USH2A: variants seen among roughly 807,000 people sequenced by gnomAD.
USH2A encodes the protein Usher syndrome 2A (autosomal recessive, mild).
Under a neutral mutation model 538.9 loss-of-function variants are expected in USH2A, and 443 were observed. The observed-to-expected ratio is 0.82, with a 90% CI of 0.76 to 0.89. The LOEUF is 0.89. USH2A is among the 40% of genes least tolerant of loss of function. The probability of loss-of-function intolerance (pLI) is 0.00; values close to 1 mark genes in which losing one functional copy is unlikely to be tolerated. For missense variants in USH2A, 6,633 were observed against 6,324.8 expected (o/e 1.05, Z -1.65); for synonymous variants, 2,413 against 2,273.5 (o/e 1.06, Z -1.75).
chr1:215,783,744 TTAAG>T (rs1237407590), intron 52 of USH2A, among the ~76,000 whole-genome samples: 4 of 152,204 alleles, frequency 2.6e-5, no homozygotes, highest in African/African-American at 7.2e-5. Context: ...TTGATGAATT[TTAAG>T]TAAGTATGTA....
At chr1:215,949,942 A>C (rs1044733614) in intron 37 of USH2A, among the ~76,000 whole-genome samples, 2 of 152,134 alleles carry the variant, frequency 1.3e-5, no homozygotes, top group African/African-American at 4.8e-5. Context: ...TAGGAAAAGA[A>C]CATATGGAAA....
chr1:215,979,096 G>A (rs1005142137), intron 35 of USH2A, among the ~76,000 whole-genome samples: 1 of 152,168 alleles, frequency 6.6e-6, no homozygotes, highest in African/African-American at 2.4e-5. Context: ...CATGGCAGAA[G>A]GTGGAGGAGG....
chr1:216,267,925 C>A (rs971008884), intron 11 of USH2A, among the ~76,000 whole-genome samples: 1 of 152,144 alleles, frequency 6.6e-6, no homozygotes, highest in East Asian at 1.9e-4. Context: ...GTTTTTCTAG[C>A]GTTCCTTAGC....
At chr1:216,094,590 T>C in intron 22 of USH2A, among the ~76,000 whole-genome samples, 1 of 152,222 alleles carries the variant, frequency 6.6e-6, no homozygotes, top group East Asian at 1.9e-4. Context: ...TTACTAGATT[T>C]ATTATTCACT....
intron 4 of USH2A, among the ~76,000 whole-genome samples, chr1:216,334,329 ATAG>A (rs1488241057): frequency 1.3e-5 from 2 of 152,000 alleles, no homozygotes; most frequent in Non-Finnish European, 2.9e-5. Flanking sequence ...GGCAACAAAC[ATAG>A]TAGAATAAAT....
chr1:216,219,967 G>T (rs531794698), intron 14 of USH2A, among the ~76,000 whole-genome samples: 9 of 152,268 alleles, frequency 5.9e-5, no homozygotes, highest in Non-Finnish European at 1.3e-4. Context: ...CAATGGGAAA[G>T]AAGTTGGCCT....
At chr1:216,414,330 C>G (rs1227234513) in intron 3 of USH2A, among the ~76,000 whole-genome samples, 1 of 152,038 alleles carries the variant, frequency 6.6e-6, no homozygotes, top group African/African-American at 2.4e-5. Flanking sequence ...AATTTAAACA[C>G]TAATCATTTT....
intron 37 of USH2A, among the ~76,000 whole-genome samples, chr1:215,936,888 C>T (rs779155419): frequency 1.6e-4 from 25 of 152,044 alleles, no homozygotes; most frequent in Non-Finnish European, 2.9e-4. Context: ...AAAAGAGGGT[C>T]TGATATCTGG....
intron 37 of USH2A, among the ~76,000 whole-genome samples, chr1:215,960,067 C>T (rs1381364943): frequency 1.3e-5 from 2 of 152,116 alleles, no homozygotes; most frequent in African/African-American, 2.4e-5. Context: ...AGTAAAGAAG[C>T]TGCCATTTGT....
chr1:216,048,646 G>T lies in USH2A; in HGVS notation c.6051C>A (p.Gly2017=). Residue 2017 remains glycine, a splice_region_variant and synonymous_variant, in exon 31 of 72, where the codon GGC becomes GGA. Transcript: ENST00000307340. The stretch of plus-strand genomic sequence containing the variant: ...TGAAGGGTAGCAAGCCTGTCAATAT[G>T]CCTATAATAAAAAGGGACAAAAGAG... ...AEFVNTSNLT[G]ILTGLLPFKN... is the part of the protein sequence containing the mutation. The T allele has an allele frequency of 1.2e-6, 2 of 1,613,436 alleles. No homozygotes were observed. Among genetic ancestry groups the T allele is most frequent in the Non-Finnish European group, 1.7e-6 (2 of 1,179,420 alleles).
intron 69 of USH2A, among the ~76,000 whole-genome samples, chr1:215,636,709 G>A (rs1393193041): frequency 3.3e-5 from 5 of 152,108 alleles, no homozygotes; most frequent in Non-Finnish European, 5.9e-5. Flanking sequence ...ACAGTCAGAG[G>A]AAAATGAGGT....
At chr1:215,967,985 G>A (rs1429570003) in intron 36 of USH2A, among the ~76,000 whole-genome samples, 2 of 152,110 alleles carry the variant, frequency 1.3e-5, no homozygotes, top group Non-Finnish European at 2.9e-5. Context: ...CTAGTGTTAT[G>A]TAACATTGGC....
chr1:215,914,517 C>T (rs1011018033), intron 38 of USH2A, among the ~76,000 whole-genome samples: 8 of 152,102 alleles, frequency 5.3e-5, no homozygotes, highest in African/African-American at 1.9e-4. Flanking sequence ...CCAACTTTAA[C>T]AACATTGACA....
Position 215,680,977 on chromosome 1 carries a change from C to A in USH2A, c.12067-601G>T, listed in dbSNP as rs571994523. Among the ~76,000 whole-genome samples the A allele has an allele frequency of 1.3e-3, 201 of 152,112 alleles. 2 individuals are homozygous for A. Among genetic ancestry groups the A allele is most frequent in the Non-Finnish European group, 2.0e-3 (137 of 68,024 alleles). On this transcript the variant is annotated intron_variant, in intron 61 of 71. Transcript: ENST00000307340. ...CATGTACAAACACCCTTAGAGAAGT[C>A]TATTATTAATATAGATATAAAAATA...
chr1:215,962,567 A>G (rs1268883225), intron 37 of USH2A, among the ~76,000 whole-genome samples: 1 of 152,072 alleles, frequency 6.6e-6, no homozygotes, highest in Non-Finnish European at 1.5e-5. Flanking sequence ...AATAATGTGT[A>G]CCACTTGGTA....
At chr1:215,878,613 A>C in intron 42 of USH2A, 151 bp downstream of exon 42, 2 of 743,032 alleles carry the variant, frequency 2.7e-6, no homozygotes, top group South Asian at 3.4e-5. Flanking sequence ...TGAAGTGTAC[A>C]GTATGATAGT....
chr1:215,959,047 C>G (rs922389249), intron 37 of USH2A, among the ~76,000 whole-genome samples: 2 of 152,106 alleles, frequency 1.3e-5, no homozygotes, highest in Non-Finnish European at 2.9e-5. Flanking sequence ...CGGATCTCCT[C>G]CTTGGAGCCA....
chr1:216,391,453 T>C (rs769153056), intron 3 of USH2A, among the ~76,000 whole-genome samples: 5 of 152,200 alleles, frequency 3.3e-5, no homozygotes, highest in Admixed American at 6.5e-5. Context: ...AAACCATTAT[T>C]AATCTTTAAA....
At chr1:216,322,529 G>A (rs980536136) in intron 8 of USH2A, among the ~76,000 whole-genome samples, 2 of 148,814 alleles carry the variant, frequency 1.3e-5, no homozygotes, top group African/African-American at 5.0e-5. Context: ...ATCACTTGAG[G>A]CCCAGAAGTC....
Sources: gnomAD v4.1 joint callset for allele counts (sites outside exome capture counted in the v4.1 genomes callset) on GRCh38, gnomAD v4.1.1 for gene constraint, MANE v1.5 for transcripts, NCBI Gene and HGNC (gene_info 2026-07-23, HGNC 2026-07-21) for gene names.